The following TMC3 variants were observed in gnomAD, a reference collection of about 807,000 sequenced individuals.
The protein encoded by TMC3 is transmembrane channel like 3.
In TMC3, 98 loss-of-function variants were observed where a neutral mutation model predicts 110.6. The observed-to-expected ratio is 0.89, with a 90% CI of 0.75 to 1.05. The LOEUF is 1.05. Among genes scored for constraint, TMC3 ranks in the 50% least tolerant of loss-of-function variants. TMC3 has a pLI of 0.00. For synonymous variants in TMC3, 489 were observed against 513.1 expected, an observed-to-expected ratio of 0.95 and a Z score of 0.63; for missense variants, 1,319 against 1,373.2, an observed-to-expected ratio of 0.96 and a Z score of 0.62.
intron 3 of TMC3, among the ~76,000 whole-genome samples, chr15:81,362,597 A>G (rs1894213273): frequency 6.6e-6 from 1 of 152,154 alleles, no homozygotes; most frequent in Non-Finnish European, 1.5e-5. Context: ...TGGATATTCT[A>G]TAGGGTTGCA....
At chr15:81,358,108 A>G (rs1347613376) in intron 7 of TMC3, 41 bp downstream of exon 7, 10 of 1,533,454 alleles carry the variant, frequency 6.5e-6, no homozygotes, top group Non-Finnish European at 7.0e-6. Context: ...TACACATATC[A>G]TAACGCTTGA....
At chr15:81,346,502 A>G in intron 11 of TMC3, 59 bp from the exon 12 acceptor site, 1 of 1,530,372 alleles carries the variant, frequency 6.5e-7, no homozygotes, top group Non-Finnish European at 9.0e-7. Flanking sequence ...CCGTGGTTCT[A>G]GAGCCCCCAC....
intron 9 of TMC3, among the ~76,000 whole-genome samples, chr15:81,354,707 T>G (rs977009560): frequency 6.6e-6 from 1 of 152,168 alleles, no homozygotes; most frequent in Non-Finnish European, 1.5e-5. Context: ...GTATACTATC[T>G]TCTCCATGAA....
chr15:81,349,014 A>G (rs753027004), intron 11 of TMC3, among the ~76,000 whole-genome samples: 5 of 151,870 alleles, frequency 3.3e-5, no homozygotes, highest in Admixed American at 6.6e-5. Context: ...TATTTTTAGT[A>G]GAGACAGGGT....
chr15:81,351,872 C>T (rs1316503208), intron 9 of TMC3, 31 bp from the exon 10 acceptor site: 2 of 1,609,056 alleles, frequency 1.2e-6, no homozygotes, highest in Non-Finnish European at 1.7e-6. Context: ...GAGAACGGTA[C>T]ACAGGGTCCT....
Position 81,344,777 on chromosome 15 carries a change from ATGT to A in TMC3, c.1504_1506del (p.Thr502del), listed in dbSNP as rs753595268. The A allele has an allele frequency of 8.1e-6, 13 of 1,613,716 alleles. No individual in the cohort carries two copies. Among genetic ancestry groups the A allele is most frequent in the Non-Finnish European group, 1.0e-5 (12 of 1,179,898 alleles). On this transcript the variant is annotated inframe_deletion, in exon 13 of 22. Coordinates refer to ENST00000359440, the MANE Select transcript of TMC3 (RefSeq NM_001080532.3). ...GTAAAGAGAACCACCTGACCAACGT[ATGT>A]CTCCCAGCACTGGTCTTGTGGACTC...
rs370626878 is a variant in TMC3 at position 81,358,467 on chromosome 15, T to A, written c.535A>T (p.Arg179Trp). 2.5e-6 allele frequency: 4 copies of A among 1,613,270 alleles called. No individual in the cohort carries two copies. The Admixed American group carries it at 5.0e-5, about 20-fold the overall frequency. ...ACCTGCTCCTTGGGGATGGTCTTCC[T>A]GGCTGTGCTTCCAAAGGGCTGGCCT... is the stretch of plus-strand genomic sequence containing the variant. Reference protein sequence around the residue: ...IAGQPFGSTARKTIPKEQVSS... With the variant: ...IAGQPFGSTAWKTIPKEQVSS... The change falls in exon 6 of 22, where the codon AGG (arginine) becomes TGG (tryptophan). Residue 179 changes from arginine to tryptophan, a missense_variant. Transcript: ENST00000359440.
intron 4 of TMC3, chr15:81,361,817 G>C (rs1894193033): frequency 6.4e-6 from 1 of 157,432 alleles, no homozygotes; most frequent in Non-Finnish European, 1.4e-5. Flanking sequence ...TTTATTTTTT[G>C]GCGTATGTTT....
intron 11 of TMC3, among the ~76,000 whole-genome samples, chr15:81,347,059 G>A (rs1404294598): frequency 3.9e-5 from 6 of 152,206 alleles, no homozygotes; most frequent in Non-Finnish European, 7.3e-5. Context: ...GTCTGGATCA[G>A]CCAATGATCA....
rs1555428059 is a variant in TMC3 at position 81,345,013 on chromosome 15, T to TGGGGAGAGAG, written c.1273-12_1273-3dup. The TGGGGAGAGAG allele has an allele frequency of 3.2e-6, 5 of 1,563,568 alleles. No homozygotes were observed. Among genetic ancestry groups the TGGGGAGAGAG allele is most frequent in the Non-Finnish European group, 3.5e-6 (4 of 1,153,408 alleles). On this transcript the variant is annotated splice_region_variant and splice_polypyrimidine_tract_variant and intron_variant, in intron 12 of 21. Transcript: ENST00000359440. ...TGTGTTATTTTTGGTAGCCATTTCC[T>TGGGGAGAGAG]GGGGAGAGAGAGAGAGAGAGAGAGG...
At position 81,339,447 on chromosome 15, in the gene TMC3, T is replaced by C. The variant is rs947936424; in HGVS notation, c.1902A>G (p.Pro634=). ...LLFMLFLCML[P]TIFAIVRYKP... is the part of the protein sequence containing the mutation. The stretch of plus-strand genomic sequence containing the variant: ...TGTATCGGACAATAGCAAAAATGGT[T>C]GGCAGCATGCACAGAAACAGCATAA... The change falls in exon 17 of 22, where the codon CCA becomes CCG. Residue 634 remains proline, a synonymous_variant. Coordinates refer to ENST00000359440, the MANE Select transcript of TMC3 (RefSeq NM_001080532.3). 6.2e-7 allele frequency: 1 copy of C among 1,611,092 alleles called. No homozygotes were observed. Among genetic ancestry groups the C allele is most frequent in the Non-Finnish European group, 8.5e-7 (1 of 1,178,632 alleles).
chr15:81,361,976 A>G (rs1230934464), intron 4 of TMC3: 15 of 350,074 alleles, frequency 4.3e-5, no homozygotes, highest in Non-Finnish European at 7.0e-5. Context: ...ATGAACTGGG[A>G]GAGAACAGCA....
In TMC3 at chr15:81,344,883, T is replaced by C. The variant is rs1893792192; in HGVS notation, c.1401A>G (p.Thr467=). ...RPGMGLRRNN[T]WALEETSISA... ...AAATGCTGGTCTCTTCCAAGGCCCA[T>C]GTGTTGTTTCTCCTGAGCCCCATTC... Residue 467 remains threonine (T), a synonymous_variant, in exon 13 of 22, where the codon ACA becomes ACG. Coordinates refer to ENST00000359440, the MANE Select transcript of TMC3 (RefSeq NM_001080532.3). 1 of 1,613,998 alleles carries C rather than the reference T, an allele frequency of 6.2e-7. No homozygotes were observed. The highest frequency in any genetic ancestry group is 1.1e-5 in the South Asian group (1 of 91,068).
chr15:81,338,566 A>G, intron 18 of TMC3, 89 bp downstream of exon 18: 1 of 1,551,502 alleles, frequency 6.4e-7, no homozygotes, highest in Non-Finnish European at 8.7e-7. Context: ...GAATGAACTA[A>G]TAAATTTTAT....
At chr15:81,363,150 C>T (rs751135179) in intron 3 of TMC3, among the ~76,000 whole-genome samples, 3 of 151,790 alleles carry the variant, frequency 2.0e-5, no homozygotes, top group Non-Finnish European at 4.4e-5. Flanking sequence ...AGCTACTCTA[C>T]TGAGGCAGAA....
At chr15:81,356,782 T>C (rs1894074194) in intron 7 of TMC3, among the ~76,000 whole-genome samples, 188 bp from the exon 8 acceptor site, 1 of 152,142 alleles carries the variant, frequency 6.6e-6, no homozygotes, top group South Asian at 2.1e-4. Flanking sequence ...TCAGCAACAC[T>C]TTGGAACAGT....
Position 81,354,592 on chromosome 15 carries a change from C to T in TMC3, c.935+1133G>A, listed in dbSNP as rs748567407. On this transcript the variant is annotated intron_variant, in intron 9 of 21. Transcript: ENST00000359440. The stretch of plus-strand genomic sequence containing the variant: ...TCCCTGGGGCACCAAACAGCGGGTA[C>T]GAGCAAGGGGTACATGTGTGCAGCT... 3.3e-5 allele frequency among the ~76,000 whole-genome samples: 5 copies of T among 152,098 alleles called. No homozygotes were observed. In the South Asian group the frequency reaches 6.2e-4, roughly 19 times the overall value.
Position 81,340,418 on chromosome 15 carries a change from C to A in TMC3, c.1845-914G>T, listed in dbSNP as rs1016254193. 2.6e-5 allele frequency among the ~76,000 whole-genome samples: 4 copies of A among 152,110 alleles called. No homozygotes were observed. The South Asian group carries it at 8.3e-4, about 32-fold the overall frequency. On this transcript the variant is annotated intron_variant, in intron 16 of 21. Transcript: ENST00000359440. ...CATATATAAATATATCAAAACATAT[C>A]TCTGAATGTATTAATATATGTGTAC...
At chr15:81,344,226 T>C (rs1893777206) in intron 13 of TMC3, among the ~76,000 whole-genome samples, 181 bp from the exon 14 acceptor site, 1 of 152,230 alleles carries the variant, frequency 6.6e-6, no homozygotes, top group Non-Finnish European at 1.5e-5. Context: ...TTCTGGTACA[T>C]AATGGGTGTT....
Sources: gnomAD v4.1 joint callset for allele counts (sites outside exome capture counted in the v4.1 genomes callset) on GRCh38, gnomAD v4.1.1 for gene constraint, MANE v1.5 for transcripts, NCBI Gene and HGNC (gene_info 2026-07-23, HGNC 2026-07-21) for gene names.